The following KLF13 variants were observed in gnomAD, a reference collection of about 807,000 sequenced individuals.
The protein encoded by KLF13 is KLF transcription factor 13, also known as Krueppel-like factor 13.
A neutral mutation model predicts 16.7 loss-of-function variants in KLF13; 8 were observed. The ratio of observed to expected loss-of-function variants is 0.48; its 90% CI spans 0.28 to 0.87. The LOEUF is 0.87. Ranked by LOEUF, KLF13 falls within the 40% of genes least tolerant of loss-of-function variation. KLF13 has a pLI of 0.10. For missense variants in KLF13, 447 were observed against 452.2 expected (o/e 0.99, Z 0.10); for synonymous variants, 245 against 208.4 (o/e 1.18, Z -1.51).
chr15:31,368,284 T>A (rs979830851), intron 1 of KLF13, among the ~76,000 whole-genome samples: 5 of 152,244 alleles, frequency 3.3e-5, no homozygotes, highest in African/African-American at 1.2e-4. Context: ...GAACCTCATC[T>A]GTCAGACCTG....
At chr15:31,430,445 C>T (rs1156627256) in intron 1 of KLF13, among the ~76,000 whole-genome samples, 2 of 152,094 alleles carry the variant, frequency 1.3e-5, no homozygotes, top group East Asian at 1.9e-4. Context: ...ATTAAAGGGC[C>T]GGCATCTGGC....
At chr15:31,366,465 C>T (rs889923823) in intron 1 of KLF13, 3 of 152,406 alleles carry the variant, frequency 2.0e-5, no homozygotes, top group East Asian at 1.9e-4. Flanking sequence ...CTCTGAGATC[C>T]GGCAGGAAGG....
intron 2 of KLF13, among the ~76,000 whole-genome samples, chr15:31,403,106 G>A (rs967755189): frequency 6.6e-6 from 1 of 152,208 alleles, no homozygotes; most frequent in African/African-American, 2.4e-5. Context: ...AGTTCCAACT[G>A]TCAGTCTATC....
At chr15:31,400,655 G>T (rs1360848095) in intron 2 of KLF13, among the ~76,000 whole-genome samples, 3 of 151,848 alleles carry the variant, frequency 2.0e-5, no homozygotes, top group African/African-American at 7.3e-5. Flanking sequence ...GGGGTGGCAG[G>T]CCCCAACTTG....
intron 1 of KLF13, among the ~76,000 whole-genome samples, chr15:31,387,389 T>A (rs1180687002): frequency 6.6e-6 from 1 of 152,228 alleles, no homozygotes; most frequent in South Asian, 2.1e-4. Flanking sequence ...AAGGCTTAGA[T>A]GATTGTTAGC....
At chr15:31,371,989 G>A (rs1285402870) in intron 1 of KLF13, 21 bp from the exon 2 acceptor site, 5 of 1,583,536 alleles carry the variant, frequency 3.2e-6, no homozygotes, top group Non-Finnish European at 4.3e-6. Context: ...GGATACTGAT[G>A]CTCTGCCCCT....
intron 1 of KLF13, among the ~76,000 whole-genome samples, chr15:31,359,273 T>C (rs896430754): frequency 1.3e-5 from 2 of 152,196 alleles, no homozygotes; most frequent in Non-Finnish European, 2.9e-5. Context: ...GCAGAAACCA[T>C]TGGTATTCTA....
At chr15:31,400,126 G>T (rs2040013152) in intron 2 of KLF13, among the ~76,000 whole-genome samples, 1 of 152,216 alleles carries the variant, frequency 6.6e-6, no homozygotes, top group East Asian at 1.9e-4. Flanking sequence ...CAGGAGACGA[G>T]TCCTACTCCT....
At chr15:31,366,854 G>C (rs2039481620) in intron 1 of KLF13, among the ~76,000 whole-genome samples, 1 of 152,234 alleles carries the variant, frequency 6.6e-6, no homozygotes, top group Non-Finnish European at 1.5e-5. Flanking sequence ...AGACCCTTCA[G>C]AGGGGCCATG....
intron 1 of KLF13, among the ~76,000 whole-genome samples, chr15:31,425,098 T>C (rs2040385589): frequency 6.6e-6 from 1 of 152,122 alleles, no homozygotes; most frequent in South Asian, 2.1e-4. Flanking sequence ...AAGACTTATA[T>C]ACTGAAAACT....
chr15:31,393,851 G>A (rs1433866792), intron 2 of KLF13, among the ~76,000 whole-genome samples: 1 of 152,180 alleles, frequency 6.6e-6, no homozygotes, highest in East Asian at 1.9e-4. Context: ...AGGACATGCT[G>A]CCTGGCTGGA....
chr15:31,396,692 C>A (rs1287179114), intron 2 of KLF13, among the ~76,000 whole-genome samples: 1 of 152,136 alleles, frequency 6.6e-6, no homozygotes, highest in African/African-American at 2.4e-5. Flanking sequence ...TTAGGCTTTA[C>A]AATAGTGATG....
At position 31,423,038 on chromosome 15, in the gene KLF13, TA is replaced by T. The variant is rs536746764; in HGVS notation, n.118-12324del. 7.1e-5 allele frequency among the ~76,000 whole-genome samples: 10 copies of T among 140,544 alleles called. No homozygotes were observed. In the South Asian group the frequency reaches 9.2e-4, roughly 13 times the overall value. The allele number at this position is 140,544 out of a possible 152,430, so 92.2% of individuals were successfully genotyped here. On this transcript the variant is annotated intron_variant and non_coding_transcript_variant, in intron 1 of 1. Coordinates refer to the KLF13 transcript ENST00000558225. The stretch of plus-strand genomic sequence containing the variant: ...GGTGAGAGTGAGACTCCTTCTCAAA[TA>T]AAAAAAAGCAAGAATCAATTTTCCA...
At chr15:31,420,395 C>A in intron 1 of KLF13, 2 of 1,142,086 alleles carry the variant, frequency 1.8e-6, no homozygotes, top group Non-Finnish European at 2.6e-6. Flanking sequence ...CAGTGGCTAC[C>A]CTTACAATGA....
At chr15:31,423,809 C>G (rs929342474) in intron 1 of KLF13, among the ~76,000 whole-genome samples, 3 of 152,162 alleles carry the variant, frequency 2.0e-5, no homozygotes, top group African/African-American at 7.2e-5. Flanking sequence ...ATCATACCAA[C>G]TGTCTTTTCT....
intron 1 of KLF13, among the ~76,000 whole-genome samples, chr15:31,423,020 G>A (rs1178335118): frequency 4.1e-5 from 6 of 147,882 alleles, no homozygotes; most frequent in African/African-American, 1.5e-4. Context: ...CTGGGTGAGA[G>A]TGAGACTCCT....
chr15:31,355,079 G>T (rs963047023), intron 1 of KLF13, among the ~76,000 whole-genome samples: 2 of 152,114 alleles, frequency 1.3e-5, no homozygotes, highest in Admixed American at 6.6e-5. Flanking sequence ...CCTCAGCCTC[G>T]AGTTATAACT....
chr15:31,385,107 G>A (rs889144142), intron 1 of KLF13, among the ~76,000 whole-genome samples: 1 of 152,180 alleles, frequency 6.6e-6, no homozygotes, highest in South Asian at 2.1e-4. Context: ...GAAGGTGGTG[G>A]CCATCTGCAA....
At chr15:31,352,082 C>G (rs1299095644) in intron 1 of KLF13, among the ~76,000 whole-genome samples, 2 of 151,722 alleles carry the variant, frequency 1.3e-5, no homozygotes, top group African/African-American at 4.8e-5. Context: ...AGTTTACACA[C>G]AACAACAAAA....
Sources: allele counts gnomAD v4.1 joint callset (sites outside exome capture counted in the v4.1 genomes callset), GRCh38; gene constraint gnomAD v4.1.1; transcripts MANE v1.5; gene names NCBI Gene and HGNC (gene_info 2026-07-23, HGNC 2026-07-21).